Variants in GPR176 observed in about 807,000 individuals in gnomAD.
GPR176 encodes the protein G protein-coupled receptor 176.
A neutral mutation model predicts 35.4 loss-of-function variants in GPR176; 26 were observed. The observed-to-expected ratio is 0.74, with a 90% confidence interval of 0.54 to 1.02. The LOEUF is 1.02. Among genes scored for constraint, GPR176 ranks in the 50% least tolerant of loss-of-function variants. GPR176 has a pLI of 0.00. For synonymous variants in GPR176, 278 were observed against 271.3 expected, an observed-to-expected ratio of 1.02 and a Z score of -0.24; for missense variants, 597 against 665.3, an observed-to-expected ratio of 0.90 and a Z score of 1.13.
In GPR176 at chr15:39,802,100, C is replaced by A; in HGVS notation, c.580G>T (p.Glu194Ter). 1 of 1,614,132 alleles carries A rather than the reference C, an allele frequency of 6.2e-7. No individual in the cohort carries two copies. The highest frequency in any genetic ancestry group is 8.5e-7 in the Non-Finnish European group (1 of 1,180,026). ...ADIYATSTCT[E>*]VWSNSLGHLV... The stretch of plus-strand genomic sequence containing the variant: ...TGGCCCAAGGAGTTGCTCCAGACTT[C>A]CGTGCAGGTGGACGTGGCATAGATG... Residue 194 changes from glutamate (E) to a stop codon, truncating the protein, a stop_gained, in exon 3 of 3, where the codon GAA becomes TAA. Coordinates refer to ENST00000561100, the MANE Select transcript of GPR176 (RefSeq NM_007223.3). LOFTEE classifies it high-confidence loss of function.
rs1189230538 is a variant in GPR176, at chr15:39,856,313, G to A, written c.173-49055C>T. Among the ~76,000 whole-genome samples, 8 of 152,268 alleles carry A rather than the reference G, an allele frequency of 5.3e-5. No homozygotes were observed. In the East Asian group the frequency reaches 1.5e-3, roughly 29 times the overall value. On this transcript the variant is annotated intron_variant, in intron 1 of 2. Coordinates refer to ENST00000561100, the MANE Select transcript of GPR176 (RefSeq NM_007223.3). ...CAATTATGTCATTTATTTGCTTACT[G>A]TCTATCCCTCATACAAATATAATCT...
At chr15:39,901,845 A>G (rs1162041952) in intron 1 of GPR176, among the ~76,000 whole-genome samples, 1 of 151,996 alleles carries the variant, frequency 6.6e-6, no homozygotes, top group African/African-American at 2.4e-5. Context: ...AAGCCAAGGA[A>G]GGCAGATAAT....
At position 39,829,301 on chromosome 15, in the gene GPR176, G is replaced by C. The variant is rs1595458573; in HGVS notation, c.173-22043C>G. The C allele has an allele frequency of 2.2e-6, 3 of 1,394,052 alleles. No homozygotes were observed. The East Asian group carries it at 8.1e-5, about 38-fold the overall frequency. 86.4% of individuals were successfully genotyped at this position (1,394,052 alleles called of 1,614,324 possible). On this transcript the variant is annotated intron_variant, in intron 1 of 2. Coordinates refer to ENST00000561100, the MANE Select transcript of GPR176 (RefSeq NM_007223.3). Reference sequence around the variant, plus strand: ...GGATCAGGGAAAGAACTTGGTGAGAGTAAGAAAGCCATGAGGTCACAAAGA... The same window carrying C: ...GGATCAGGGAAAGAACTTGGTGAGACTAAGAAAGCCATGAGGTCACAAAGA...
At chr15:39,898,253 A>G (rs1377994333) in intron 1 of GPR176, among the ~76,000 whole-genome samples, 4 of 151,402 alleles carry the variant, frequency 2.6e-5, no homozygotes, top group Non-Finnish European at 5.9e-5. Flanking sequence ...TTTTTTTTTC[A>G]AACAAGATTT....
chr15:39,881,279 T>A (rs1242698530), intron 1 of GPR176, among the ~76,000 whole-genome samples: 2 of 152,224 alleles, frequency 1.3e-5, no homozygotes, highest in African/African-American at 4.8e-5. Flanking sequence ...TCTTTATATC[T>A]CCAGCATTTA....
intron 1 of GPR176, among the ~76,000 whole-genome samples, chr15:39,876,536 T>G (rs996209537): frequency 6.6e-6 from 1 of 152,148 alleles, no homozygotes; most frequent in Admixed American, 6.5e-5. Context: ...ATGATGTTGA[T>G]GTTTATGTTA....
intron 1 of GPR176, among the ~76,000 whole-genome samples, chr15:39,853,417 AG>A (rs1195892258): frequency 1.3e-5 from 2 of 152,132 alleles, no homozygotes; most frequent in Non-Finnish European, 2.9e-5. Context: ...AAGGAGGAAA[AG>A]GGGAGTTGCT....
In GPR176 at chr15:39,908,253, C is replaced by T. The variant is rs565028437; in HGVS notation, c.172+11602G>A. Among the ~76,000 whole-genome samples, 4 of 152,318 alleles carry T rather than the reference C, an allele frequency of 2.6e-5. No homozygotes were observed. The East Asian group carries it at 7.7e-4, about 29-fold the overall frequency. On this transcript the variant is annotated intron_variant, in intron 1 of 2. Coordinates refer to ENST00000561100, the MANE Select transcript of GPR176 (RefSeq NM_007223.3). ...CAGGCTTTATGATCCTCCTCAGTGT[C>T]TATGAGCATCTCTTCAGTTGCCAGG... is the stretch of plus-strand genomic sequence containing the variant.
chr15:39,809,650 T>C (rs1899415638), intron 1 of GPR176, among the ~76,000 whole-genome samples: 1 of 152,210 alleles, frequency 6.6e-6, no homozygotes, highest in Admixed American at 6.5e-5. Flanking sequence ...TGTATTCCCA[T>C]TATACTTTCT....
intron 1 of GPR176, among the ~76,000 whole-genome samples, chr15:39,816,753 T>G (rs531047008): frequency 6.6e-6 from 1 of 152,212 alleles, no homozygotes; most frequent in South Asian, 2.1e-4. Flanking sequence ...TGGTTACTTG[T>G]TTAATAAAAG....
At chr15:39,883,178 T>C (rs2032543968) in intron 1 of GPR176, among the ~76,000 whole-genome samples, 6 of 152,202 alleles carry the variant, frequency 3.9e-5, no homozygotes, top group Admixed American at 1.3e-4. Context: ...TCCAAACTGA[T>C]GGAACCATCA....
intron 1 of GPR176, among the ~76,000 whole-genome samples, chr15:39,854,224 G>A (rs1200509899): frequency 6.6e-6 from 1 of 152,104 alleles, no homozygotes; most frequent in Non-Finnish European, 1.5e-5. Flanking sequence ...TTCTCCCAAG[G>A]CAATCAGGAC....
chr15:39,830,351 GA>G (rs1197566044), intron 1 of GPR176, among the ~76,000 whole-genome samples: 1 of 152,228 alleles, frequency 6.6e-6, no homozygotes, highest in Admixed American at 6.5e-5. Context: ...CATATAGATA[GA>G]TAAGTATTTA....
intron 1 of GPR176, among the ~76,000 whole-genome samples, chr15:39,855,320 C>T (rs1439698147): frequency 6.6e-6 from 1 of 152,182 alleles, no homozygotes; most frequent in Admixed American, 6.5e-5. Flanking sequence ...TTACTCTTTC[C>T]CCAATTTCGT....
intron 1 of GPR176, chr15:39,829,263 C>G: frequency 6.9e-7 from 1 of 1,450,326 alleles, no homozygotes; most frequent in Non-Finnish European, 9.1e-7. Flanking sequence ...CACTTGGACT[C>G]GGGCATCAGA....
rs1193404118 is a variant in GPR176, at chr15:39,801,226, T to A, written c.1454A>T (p.Glu485Val). ...LLPPLGNTPEELIQTKVPKVG... is the reference protein window; with the variant it reads ...LLPPLGNTPEVLIQTKVPKVG... ...CTTGGGCACCTTTGTCTGGATCAGCTCTTCTGGGGTGTTGCCCAAGGGGGG... is the reference window on the plus strand; with the variant it reads ...CTTGGGCACCTTTGTCTGGATCAGCACTTCTGGGGTGTTGCCCAAGGGGGG... Residue 485 changes from glutamate (E) to valine (V), a missense_variant, in exon 3 of 3, where the codon GAG becomes GTG. Physicochemically the swap from Glu to Val is moderately radical, Grantham distance 121. This residue lies in a region of GPR176 where 251 missense variants were observed against 255.4 expected (regional missense o/e 0.98). Coordinates refer to ENST00000561100, the MANE Select transcript of GPR176 (RefSeq NM_007223.3). 1.9e-6 allele frequency: 3 copies of A among 1,613,976 alleles called. No homozygotes were observed. Among genetic ancestry groups the A allele is most frequent in the African/African-American group, 2.7e-5 (2 of 74,938 alleles).
At chr15:39,843,654 T>C (rs1341894311) in intron 1 of GPR176, among the ~76,000 whole-genome samples, 3 of 152,130 alleles carry the variant, frequency 2.0e-5, no homozygotes, top group African/African-American at 4.8e-5. Context: ...AGCTAAGATG[T>C]CATCTGGGTT....
intron 1 of GPR176, among the ~76,000 whole-genome samples, chr15:39,866,502 C>T (rs2031835610): frequency 6.6e-6 from 1 of 152,028 alleles, no homozygotes; most frequent in South Asian, 2.1e-4. Flanking sequence ...AGTCTAAGGA[C>T]AAAATGGATA....
At chr15:39,826,770 G>C (rs536666187) in intron 1 of GPR176, among the ~76,000 whole-genome samples, 1 of 152,282 alleles carries the variant, frequency 6.6e-6, no homozygotes, top group East Asian at 1.9e-4. Flanking sequence ...AGAAGCCAGA[G>C]GGGGCCTGAA....
Sources: gnomAD v4.1 joint callset for allele counts (sites outside exome capture counted in the v4.1 genomes callset) on GRCh38, gnomAD v4.1.1 for gene constraint, gnomAD v4.1.1 regional missense constraint, MANE v1.5 for transcripts, NCBI Gene and HGNC (gene_info 2026-07-23, HGNC 2026-07-21) for gene names.